NAV3: variants seen among roughly 807,000 people sequenced by gnomAD.
NAV3 encodes neuron navigator 3.
In NAV3, 87 loss-of-function variants were observed where a neutral mutation model predicts 244.7. The observed-to-expected ratio is 0.36, with a 90% CI of 0.30 to 0.42. The LOEUF is 0.42. Among genes scored for constraint, NAV3 ranks in the 20% least tolerant of loss-of-function variants. The pLI, the probability that NAV3 is intolerant of heterozygous loss-of-function variation, is 1.00. For synonymous variants in NAV3, 1,126 were observed against 1,042.2 expected, an observed-to-expected ratio of 1.08 and a Z score of -1.55; for missense variants, 2,663 against 2,893.3, an observed-to-expected ratio of 0.92 and a Z score of 1.83.
chr12:78,182,949 A>G (rs1313732936), intron 30 of NAV3, among the ~76,000 whole-genome samples: 1 of 151,936 alleles, frequency 6.6e-6, no homozygotes, highest in Non-Finnish European at 1.5e-5. Flanking sequence ...GATTAATCTT[A>G]AGATAAAGAA....
chr12:78,117,007 A>G (rs1363750353), intron 13 of NAV3, 103 bp downstream of exon 13: 3 of 1,309,690 alleles, frequency 2.3e-6, no homozygotes, highest in East Asian at 2.4e-5. Context: ...ATCCAAAATT[A>G]TTACAGAAAC....
intron 2 of NAV3, among the ~76,000 whole-genome samples, chr12:77,669,823 A>G (rs1428057704): frequency 6.6e-6 from 1 of 152,126 alleles, no homozygotes; most frequent in Non-Finnish European, 1.5e-5. Flanking sequence ...GAAACAGTGG[A>G]CTTAAACTAT....
intron 2 of NAV3, among the ~76,000 whole-genome samples, chr12:77,706,870 CAAAAAAAAAAAA>C (rs34067727): frequency 1.5e-5 from 1 of 68,036 alleles, no homozygotes; most frequent in Non-Finnish European, 2.4e-5. Context: ...GACTCTGTTT[CAAAAAAAAAAAA>C]AAAAAAAAAA....
chr12:77,948,523 A>G (rs1396137929), intron 3 of NAV3, among the ~76,000 whole-genome samples: 1 of 151,924 alleles, frequency 6.6e-6, no homozygotes, highest in Non-Finnish European at 1.5e-5. Flanking sequence ...TTAAAATGCT[A>G]CAAATTGTTT....
At chr12:77,843,246 A>G (rs952644973) in intron 1 of NAV3, among the ~76,000 whole-genome samples, 2 of 151,970 alleles carry the variant, frequency 1.3e-5, no homozygotes, top group Admixed American at 6.6e-5. Flanking sequence ...ATCTCCAACA[A>G]TATGTTCTCT....
Position 78,092,758 on chromosome 12 carries a change from C to A in NAV3, c.2637-24014C>A, listed in dbSNP as rs187577846. Among the ~76,000 whole-genome samples the A allele has an allele frequency of 3.2e-3, 481 of 152,096 alleles. 1 individual carries two copies. Among genetic ancestry groups the A allele is most frequent in the African/African-American group, 0.011 (464 of 41,490 alleles). ...CTTGTGATCTGCCAGCCTTGGCCTC[C>A]CAAAGTGCTGGGATTACAGGCGTGA... On this transcript the variant is annotated intron_variant, in intron 12 of 39. Coordinates refer to ENST00000397909, the MANE Select transcript of NAV3 (RefSeq NM_001024383.2).
At chr12:77,879,183 A>G (rs1407642107) in intron 1 of NAV3, among the ~76,000 whole-genome samples, 3 of 152,090 alleles carry the variant, frequency 2.0e-5, no homozygotes, top group African/African-American at 7.2e-5. Context: ...TACCCTGCAA[A>G]TTTCCCAGGC....
At chr12:77,619,209 G>GA (rs1321171866) in intron 2 of NAV3, among the ~76,000 whole-genome samples, 1 of 152,150 alleles carries the variant, frequency 6.6e-6, no homozygotes, top group East Asian at 1.9e-4. Flanking sequence ...TGCTTCTTCA[G>GA]AAAATAGAGC....
chr12:78,129,323 T>C (rs1956063272), intron 18 of NAV3, among the ~76,000 whole-genome samples: 1 of 152,080 alleles, frequency 6.6e-6, no homozygotes, highest in Admixed American at 6.6e-5. Flanking sequence ...TTGTAGAAAA[T>C]AGAAACAATT....
At chr12:77,787,084 TG>T (rs1870938160) in intron 2 of NAV3, among the ~76,000 whole-genome samples, 1 of 152,058 alleles carries the variant, frequency 6.6e-6, no homozygotes, top group South Asian at 2.1e-4. Flanking sequence ...CCATGACAGC[TG>T]GGAAGAAGCA....
chr12:78,196,306 C>T (rs776198415), intron 34 of NAV3, among the ~76,000 whole-genome samples: 12 of 151,916 alleles, frequency 7.9e-5, no homozygotes, highest in Non-Finnish European at 1.5e-4. Context: ...AAAATCCTGG[C>T]CCGTTGTTTT....
At chr12:77,840,795 A>G (rs188071675) in intron 1 of NAV3, among the ~76,000 whole-genome samples, 35 of 152,288 alleles carry the variant, frequency 2.3e-4, no homozygotes, top group Admixed American at 1.8e-3. Context: ...ATTCCAACCT[A>G]GGTCTATTTG....
rs189933067 is a variant in NAV3 at position 78,043,143 on chromosome 12, T to G, written c.2024-6850T>G. Among the ~76,000 whole-genome samples, 336 of 152,234 alleles carry G rather than the reference T, an allele frequency of 2.2e-3. 1 individual carries two copies. Among genetic ancestry groups the G allele is most frequent in the Admixed American group, 5.5e-3 (84 of 15,284 alleles). On this transcript the variant is annotated intron_variant, in intron 9 of 39. Coordinates refer to ENST00000397909, the MANE Select transcript of NAV3 (RefSeq NM_001024383.2). The stretch of plus-strand genomic sequence containing the variant: ...TGTTCCCCTTCCTGTGTCCATGTGT[T>G]CTCATTGTTCAACTCCCACTTGTGA...
chr12:77,766,864 C>T (rs961917052), intron 2 of NAV3, among the ~76,000 whole-genome samples: 1 of 147,290 alleles, frequency 6.8e-6, no homozygotes, highest in African/African-American at 2.5e-5. Flanking sequence ...AGCAATTCTT[C>T]CTGCCTCATC....
rs1960905128 is a variant in NAV3, at chr12:78,211,837, G to A, written c.*1320G>A. ...AACACTGAAGCGGTAAGGTCACTGT[G>A]GAAGAGGAAGCGTTTATACTGTAAA... On this transcript the variant is annotated 3_prime_UTR_variant, in exon 40 of 40. Transcript: ENST00000397909. 1 of 152,508 alleles carries A rather than the reference G, an allele frequency of 6.6e-6. No homozygotes were observed. The highest frequency in any genetic ancestry group is 6.6e-5 in the Admixed American group (1 of 15,264). The allele number at this position is 152,508 out of a possible 1,614,324, so 9.4% of individuals were successfully genotyped here. A position where few individuals can be genotyped will look rare whatever the true frequency, so the allele number is the denominator to read the frequency against.
chr12:77,822,498 A>G (rs1316039370), intron 2 of NAV3, among the ~76,000 whole-genome samples: 2 of 152,190 alleles, frequency 1.3e-5, no homozygotes, highest in Non-Finnish European at 2.9e-5. Flanking sequence ...AGATATCTGA[A>G]AAAATGATTT....
chr12:77,922,274 TTTTGA>T, intron 1 of NAV3, among the ~76,000 whole-genome samples: 1 of 152,204 alleles, frequency 6.6e-6, no homozygotes, highest in African/African-American at 2.4e-5. Flanking sequence ...TTGGGTTTTG[TTTTGA>T]TTTGTTTGTC....
intron 22 of NAV3, among the ~76,000 whole-genome samples, chr12:78,155,203 G>A (rs1465645197): frequency 3.3e-5 from 5 of 151,946 alleles, no homozygotes; most frequent in African/African-American, 1.2e-4. Context: ...GCCCTAGTGT[G>A]TGTTGTTCCC....
chr12:77,685,511 C>CACA (rs1874695710), intron 2 of NAV3, among the ~76,000 whole-genome samples: 1 of 11,968 alleles, frequency 8.4e-5, no homozygotes, highest in African/African-American at 2.0e-4. Context: ...ACACACATAC[C>CACA]CACACGCACA....
Sources: allele counts gnomAD v4.1 joint callset (sites outside exome capture counted in the v4.1 genomes callset), GRCh38; gene constraint gnomAD v4.1.1; transcripts MANE v1.5; gene names NCBI Gene and HGNC (gene_info 2026-07-23, HGNC 2026-07-21).